The following TRIB3 variants were observed in gnomAD, a reference collection of about 807,000 sequenced individuals.
The protein encoded by TRIB3 is tribbles pseudokinase 3.
TRIB3 carries 20 observed loss-of-function variants against 16.6 expected under a neutral mutation model. The ratio of observed to expected loss-of-function variants is 1.20; its 90% confidence interval spans 0.85 to 1.75. TRIB3 has a LOEUF of 1.75. TRIB3 is among the 40% of genes most tolerant of loss of function. The probability of loss-of-function intolerance (pLI) is 0.00; values close to 1 mark genes in which losing one functional copy is unlikely to be tolerated. For synonymous variants in TRIB3, 208 were observed against 217.0 expected, an observed-to-expected ratio of 0.96 and a Z score of 0.36; for missense variants, 484 against 488.9, an observed-to-expected ratio of 0.99 and a Z score of 0.10.
chr20:396,190 T>C lies in TRIB3; in HGVS notation c.585-8T>C, dbSNP rs967441496. ...GACCTGACCCTTCTGTTTCTCCCCA[T>C]GTCCCAGGAAGAAGCTGGTGCTGGA... On this transcript the variant is annotated splice_region_variant and splice_polypyrimidine_tract_variant and intron_variant, in intron 3 of 3. Coordinates refer to ENST00000217233, the MANE Select transcript of TRIB3 (RefSeq NM_021158.5). 8 of 1,604,124 alleles carry C rather than the reference T, an allele frequency of 5.0e-6. No homozygotes were observed. The highest frequency in any genetic ancestry group is 6.0e-6 in the Non-Finnish European group (7 of 1,172,794).
intron 1 of TRIB3, chr20:385,721 G>GC (rs1324854844): frequency 1.3e-5 from 2 of 152,004 alleles, no homozygotes; most frequent in African/African-American, 4.8e-5. Context: ...GGCTAACTCT[G>GC]CCTCACTTTC....
rs960600027 is a variant in TRIB3, at chr20:388,075, A to G, written c.65A>G (p.Asp22Gly). ...SLSRKKRLEL[D>G]DNLDTERPVQ... ...TCCAGGAAGAAGCGGTTGGAGTTGG[A>G]TGACAACTTAGATACCGAGCGTCCC... is the stretch of plus-strand genomic sequence containing the variant. Residue 22 changes from aspartate (D) to glycine (G), a missense_variant, in exon 2 of 4, where the codon GAT (aspartate) becomes GGT (glycine). Physicochemically the swap from Asp to Gly is moderately conservative, Grantham distance 94 (BLOSUM62 -1). Transcript: ENST00000217233. 3 of 1,613,946 alleles carry G rather than the reference A, an allele frequency of 1.9e-6. No individual in the cohort carries two copies. The African/African-American group carries it at 4.0e-5, about 22-fold the overall frequency.
In TRIB3 at chr20:381,328, G is replaced by A. The variant is rs375374705; in HGVS notation, c.-1+159G>A. ...CACCTTTTCACAGACCCCGCCGTCGGGGCGCGGCCAGGTCAGATCCCTTTT... is the reference window on the plus strand; with the variant it reads ...CACCTTTTCACAGACCCCGCCGTCGAGGCGCGGCCAGGTCAGATCCCTTTT... On this transcript the variant is annotated intron_variant, in intron 1 of 3. Transcript: ENST00000217233. The A allele has an allele frequency of 4.6e-5, 7 of 152,382 alleles. No homozygotes were observed. In the South Asian group the frequency reaches 8.3e-4, roughly 18 times the overall value. 9.4% of individuals were successfully genotyped at this position (152,382 alleles called of 1,614,324 possible). A position where few individuals can be genotyped will look rare whatever the true frequency, so the allele number is the denominator to read the frequency against.
chr20:392,527 A>G (rs915014878), intron 3 of TRIB3, among the ~76,000 whole-genome samples: 5 of 151,908 alleles, frequency 3.3e-5, no homozygotes, highest in Admixed American at 2.0e-4. Context: ...GGTTAAAAGA[A>G]TCTTCCTTCT....
At chr20:391,237 C>T (rs2014966862) in intron 2 of TRIB3, 50 bp from the exon 3 acceptor site, 1 of 1,574,336 alleles carries the variant, frequency 6.4e-7, no homozygotes. Flanking sequence ...CAATGCCAGC[C>T]TCAGCTCCCG....
At chr20:382,642 A>G in intron 1 of TRIB3, 3 of 1,365,010 alleles carry the variant, frequency 2.2e-6, no homozygotes, top group Non-Finnish European at 3.0e-6. Context: ...TAAGCTCTAC[A>G]TGCTTCATTT....
At chr20:381,372 G>A (rs1264084201) in intron 1 of TRIB3, 1 of 152,566 alleles carries the variant, frequency 6.6e-6, no homozygotes, top group Non-Finnish European at 1.5e-5. Context: ...CCTGGGCTGA[G>A]TGCTCCCCCC....
rs746454858 is a variant in TRIB3, at chr20:391,544, C to T, written c.549C>T (p.Leu183=). The T allele has an allele frequency of 1.2e-6, 2 of 1,612,582 alleles. No homozygotes were observed. Among genetic ancestry groups the T allele is most frequent in the Non-Finnish European group, 1.7e-6 (2 of 1,179,412 alleles). The change falls in exon 3 of 4, where the codon CTC becomes CTT. Residue 183 remains leucine, a synonymous_variant. Coordinates refer to ENST00000217233, the MANE Select transcript of TRIB3 (RefSeq NM_021158.5). The part of the protein sequence containing the change: ...CHQHGLVLRD[L]KLCRFVFADR... ...AGCACGGTCTGGTCCTGCGTGATCT[C>T]AAGCTGTGTCGCTTTGTCTTCGCTG...
intron 3 of TRIB3, among the ~76,000 whole-genome samples, chr20:392,749 G>A (rs778590370): frequency 1.3e-5 from 2 of 151,992 alleles, no homozygotes; most frequent in African/African-American, 2.4e-5. Context: ...GTAGAAACGG[G>A]GTTTTGCCAT....
chr20:392,664 C>A (rs1281706456), intron 3 of TRIB3, among the ~76,000 whole-genome samples: 1 of 150,020 alleles, frequency 6.7e-6, no homozygotes, highest in African/African-American at 2.4e-5. Context: ...TCAAGTGATA[C>A]GCCTGCCTCA....
chr20:396,504 T>A lies in TRIB3; in HGVS notation c.891T>A (p.Arg297=). ...PARCLVRCLL[R]REPAERLTAT... Reference sequence around the variant, plus strand: ...GCTGTCTGGTTCGCTGCCTCCTTCGTCGGGAGCCAGCTGAACGGCTCACAG... The same window carrying A: ...GCTGTCTGGTTCGCTGCCTCCTTCGACGGGAGCCAGCTGAACGGCTCACAG... The change falls in exon 4 of 4, where the codon CGT becomes CGA. Residue 297 remains arginine, a synonymous_variant. Coordinates refer to ENST00000217233, the MANE Select transcript of TRIB3 (RefSeq NM_021158.5). 6.2e-7 allele frequency: 1 copy of A among 1,613,070 alleles called. No individual in the cohort carries two copies. The highest frequency in any genetic ancestry group is 8.5e-7 in the Non-Finnish European group (1 of 1,180,022).
chr20:392,801 G>A (rs986529295), intron 3 of TRIB3, among the ~76,000 whole-genome samples: 4 of 152,036 alleles, frequency 2.6e-5, no homozygotes, highest in East Asian at 1.9e-4. Context: ...TAGGTGATCC[G>A]CCTGCCTCGG....
chr20:390,789 G>C (rs182932366), intron 2 of TRIB3, among the ~76,000 whole-genome samples: 156 of 152,216 alleles, frequency 1.0e-3, no homozygotes, highest in African/African-American at 3.5e-3. Flanking sequence ...ATCACCTGAG[G>C]TCAGGAGTTC....
At chr20:386,549 C>T (rs1054600351) in intron 1 of TRIB3, among the ~76,000 whole-genome samples, 2 of 152,046 alleles carry the variant, frequency 1.3e-5, no homozygotes, top group African/African-American at 4.8e-5. Flanking sequence ...GCTGGGATTA[C>T]AGGTATGCAC....
rs1404852588 is a variant in TRIB3, at chr20:388,110, C to T, written c.100C>T (p.Arg34Ter). ...AGATACCGAGCGTCCCGTCCAGAAA[C>T]GAGCTCGAAGTGGGCCCCAGCCCAG... ...NLDTERPVQK[R>*]ARSGPQPRLP... Residue 34 changes from arginine to a stop codon, truncating the protein, a stop_gained, in exon 2 of 4, where the codon CGA becomes TGA. Coordinates refer to ENST00000217233, the MANE Select transcript of TRIB3 (RefSeq NM_021158.5). LOFTEE classifies it high-confidence loss of function. 56 of 1,614,024 alleles carry T rather than the reference C, an allele frequency of 3.5e-5. No homozygotes were observed. Among genetic ancestry groups the T allele is most frequent in the Non-Finnish European group, 4.2e-5 (49 of 1,180,038 alleles).
At chr20:385,017 G>A (rs1025735551) in intron 1 of TRIB3, among the ~76,000 whole-genome samples, 2 of 152,200 alleles carry the variant, frequency 1.3e-5, no homozygotes, top group African/African-American at 4.8e-5. Flanking sequence ...ATGTAAGGAG[G>A]GGAGACCTGA....
At chr20:385,056 TATG>T (rs2014761142) in intron 1 of TRIB3, among the ~76,000 whole-genome samples, 1 of 152,224 alleles carries the variant, frequency 6.6e-6, no homozygotes, top group East Asian at 1.9e-4. Flanking sequence ...ACCTCTGCCA[TATG>T]ATGCTCGTAG....
chr20:385,186 C>G (rs2014766597), intron 1 of TRIB3, among the ~76,000 whole-genome samples: 1 of 152,176 alleles, frequency 6.6e-6, no homozygotes, highest in Non-Finnish European at 1.5e-5. Context: ...TATCTCAGCT[C>G]ACCGCAACCT....
At chr20:390,081 C>T (rs1027146071) in intron 2 of TRIB3, among the ~76,000 whole-genome samples, 1 of 152,134 alleles carries the variant, frequency 6.6e-6, no homozygotes, top group African/African-American at 2.4e-5. Flanking sequence ...AATCCCAGCA[C>T]TTTGGGAGGC....
Sources: allele counts gnomAD v4.1 joint callset (sites outside exome capture counted in the v4.1 genomes callset), GRCh38; gene constraint gnomAD v4.1.1; transcripts MANE v1.5; gene names NCBI Gene and HGNC (gene_info 2026-07-23, HGNC 2026-07-21).